TMEM178A: variants seen among roughly 807,000 people sequenced by gnomAD.
TMEM178A encodes transmembrane protein 178.
In TMEM178A, 12 loss-of-function variants were observed where a neutral mutation model predicts 29.1. The ratio of observed to expected loss-of-function variants is 0.41; its 90% CI spans 0.26 to 0.67. TMEM178A has a LOEUF of 0.67. Ranked by LOEUF, TMEM178A falls within the 30% of genes least tolerant of loss-of-function variation. The probability of loss-of-function intolerance (pLI) is 0.29; values close to 1 mark genes in which losing one functional copy is unlikely to be tolerated. For synonymous variants in TMEM178A, 210 were observed against 187.2 expected (o/e 1.12, Z -0.99); for missense variants, 366 against 419.1 (o/e 0.87, Z 1.11).
At chr2:39,709,015 C>A (rs1437563033) in intron 3 of TMEM178A, among the ~76,000 whole-genome samples, 1 of 152,200 alleles carries the variant, frequency 6.6e-6, no homozygotes, top group Non-Finnish European at 1.5e-5. Flanking sequence ...AGGCTTATTT[C>A]CACTTGCTTG....
the TMEM178A span, among the ~76,000 whole-genome samples, chr2:39,723,099 C>A: frequency 6.6e-6 from 1 of 152,286 alleles, no homozygotes; most frequent in East Asian, 1.9e-4. Flanking sequence ...GCATTTCATT[C>A]TTTAATCATA....
At chr2:39,699,421 A>G (rs770194456) in intron 1 of TMEM178A, among the ~76,000 whole-genome samples, 2 of 151,740 alleles carry the variant, frequency 1.3e-5, no homozygotes, top group Non-Finnish European at 2.9e-5. Flanking sequence ...CTAGTTTTTT[A>G]GGGTGGAGAG....
chr2:39,727,374 C>G, the TMEM178A span, among the ~76,000 whole-genome samples: 8 of 152,262 alleles, frequency 5.3e-5, no homozygotes, highest in Admixed American at 2.6e-4. Flanking sequence ...AACACTATGG[C>G]AAAATATGAA....
intron 1 of TMEM178A, among the ~76,000 whole-genome samples, chr2:39,670,444 T>G (rs1243101219): frequency 6.6e-6 from 1 of 152,350 alleles, no homozygotes; most frequent in Non-Finnish European, 1.5e-5. Context: ...TATTTTCTAG[T>G]GGATTATATT....
At position 39,717,405 on chromosome 2, in the gene TMEM178A, A is replaced by G. The variant is rs894245766; in HGVS notation, c.*154A>G. 4 of 1,114,580 alleles carry G rather than the reference A, an allele frequency of 3.6e-6. No individual in the cohort carries two copies. The highest frequency in any genetic ancestry group is 3.7e-6 in the Non-Finnish European group (3 of 809,440). The allele number at this position is 1,114,580 out of a possible 1,614,324, so 69.0% of individuals were successfully genotyped here. ...ATAGAAAATCATGCAAAACCTCCCA[A>G]CCTTTCTAAGGACAAGACTACTGTG... On this transcript the variant is annotated 3_prime_UTR_variant, in exon 4 of 4. Coordinates refer to ENST00000281961, the MANE Select transcript of TMEM178A (RefSeq NM_152390.3).
intron 1 of TMEM178A, among the ~76,000 whole-genome samples, chr2:39,693,039 G>A (rs569075590): frequency 3.9e-5 from 6 of 152,218 alleles, no homozygotes; most frequent in South Asian, 4.1e-4. Context: ...GCTTGAACCC[G>A]GGAGGCGGAG....
chr2:39,722,326 G>A (rs72936060), downstream of TMEM178A, among the ~76,000 whole-genome samples: 5,003 of 152,190 alleles, frequency 0.033, 280 homozygotes, highest in African/African-American at 0.11. Flanking sequence ...ATAATTTGGG[G>A]AAAAGGGGAA....
chr2:39,670,162 C>T (rs754106634), intron 1 of TMEM178A, among the ~76,000 whole-genome samples: 84 of 152,102 alleles, frequency 5.5e-4, no homozygotes, highest in Non-Finnish European at 1.1e-3. Flanking sequence ...GCTTCAGGTA[C>T]CTCTGTGGCA....
At chr2:39,725,483 A>G in the TMEM178A span, among the ~76,000 whole-genome samples, 6 of 152,240 alleles carry the variant, frequency 3.9e-5, no homozygotes, top group East Asian at 7.8e-4. Context: ...GGGAAAGACA[A>G]TTTGTTCTTG....
At chr2:39,709,962 C>A (rs1399573690) in intron 3 of TMEM178A, among the ~76,000 whole-genome samples, 1 of 152,148 alleles carries the variant, frequency 6.6e-6, no homozygotes, top group East Asian at 1.9e-4. Context: ...GACTGAGGGG[C>A]CAGTCTGGTT....
chr2:39,711,609 C>A (rs1288454771), intron 3 of TMEM178A, among the ~76,000 whole-genome samples: 1 of 152,148 alleles, frequency 6.6e-6, no homozygotes, highest in African/African-American at 2.4e-5. Flanking sequence ...TAACACCCAC[C>A]CACACTGGTT....
chr2:39,692,985 T>C (rs936636990), intron 1 of TMEM178A, among the ~76,000 whole-genome samples: 6 of 152,110 alleles, frequency 3.9e-5, no homozygotes, highest in African/African-American at 1.4e-4. Context: ...TTCATTGATG[T>C]TCACTCTAAA....
the TMEM178A span, among the ~76,000 whole-genome samples, chr2:39,729,869 C>T: frequency 2.0e-5 from 3 of 152,188 alleles, no homozygotes; most frequent in African/African-American, 7.2e-5. Context: ...AGGGGCCCTA[C>T]AGGATCAGAT....
intron 3 of TMEM178A, 29 bp downstream of exon 3, chr2:39,707,215 C>T: frequency 6.3e-7 from 1 of 1,586,650 alleles, no homozygotes; most frequent in Non-Finnish European, 8.6e-7. Context: ...GCCGTCTGTC[C>T]CAGCCAAGGT....
the TMEM178A span, among the ~76,000 whole-genome samples, chr2:39,731,268 G>A: frequency 6.6e-6 from 1 of 152,170 alleles, no homozygotes; most frequent in Non-Finnish European, 1.5e-5. Context: ...TTCCCCTCCT[G>A]TTTGTAGTTG....
chr2:39,735,424 C>T, the TMEM178A span, among the ~76,000 whole-genome samples: 8,337 of 152,214 alleles, frequency 0.055, 760 homozygotes, highest in African/African-American at 0.19. Context: ...GCAGATAGCC[C>T]GCCTCATAGG....
At chr2:39,735,731 T>G in the TMEM178A span, among the ~76,000 whole-genome samples, 5 of 152,214 alleles carry the variant, frequency 3.3e-5, no homozygotes, top group Non-Finnish European at 5.9e-5. Context: ...GCTCTTAGAA[T>G]TTCCTAGGAA....
the TMEM178A span, among the ~76,000 whole-genome samples, chr2:39,726,164 G>A: frequency 6.6e-6 from 1 of 152,148 alleles, no homozygotes; most frequent in Non-Finnish European, 1.5e-5. Context: ...ATAAAACAGG[G>A]CTTGTGCAGT....
At chr2:39,707,250 C>T (rs541536233) in intron 3 of TMEM178A, 64 bp downstream of exon 3, 2 of 1,508,476 alleles carry the variant, frequency 1.3e-6, no homozygotes, top group African/African-American at 1.4e-5. Context: ...ATGCGGCTAG[C>T]TAGTGTCGCT....
Sources: allele counts gnomAD v4.1 joint callset (sites outside exome capture counted in the v4.1 genomes callset), GRCh38; gene constraint gnomAD v4.1.1; transcripts MANE v1.5; gene names NCBI Gene and HGNC (gene_info 2026-07-23, HGNC 2026-07-21).